The following DAO variants were observed in gnomAD, a reference collection of about 807,000 sequenced individuals.
The protein encoded by DAO is D-amino acid oxidase.
A neutral mutation model predicts 50.1 loss-of-function variants in DAO; 51 were observed. That is an observed-to-expected ratio of 1.02 (90% CI 0.81 to 1.29). The LOEUF (loss-of-function observed/expected upper bound fraction) is 1.29. Among genes scored for constraint, DAO ranks in the 50% most tolerant of loss-of-function variants. The pLI is 0.00. For synonymous variants in DAO, 160 were observed against 166.2 expected (o/e 0.96, Z 0.29); for missense variants, 436 against 439.4 (o/e 0.99, Z 0.07).
chr12:108,890,049 T>G (rs764828406), intron 4 of DAO, among the ~76,000 whole-genome samples, 159 bp from the exon 5 acceptor site: 6 of 152,196 alleles, frequency 3.9e-5, no homozygotes, highest in Non-Finnish European at 8.8e-5. Context: ...TTTCCTTGCA[T>G]TGAGCTCAAA....
chr12:108,897,732 G>A (rs551113307), intron 8 of DAO, among the ~76,000 whole-genome samples: 27 of 152,226 alleles, frequency 1.8e-4, no homozygotes, highest in Non-Finnish European at 1.5e-5. Flanking sequence ...AGGATTTCTT[G>A]AGCCCAGGAG....
At chr12:108,884,127 C>A (rs746162078) in intron 1 of DAO, among the ~76,000 whole-genome samples, 8 of 152,246 alleles carry the variant, frequency 5.3e-5, no homozygotes, top group Non-Finnish European at 8.8e-5. Context: ...AGCCCTGTGC[C>A]CCAAGGCAGG....
chr12:108,893,347 G>A (rs774150130), intron 6 of DAO, among the ~76,000 whole-genome samples: 9 of 152,116 alleles, frequency 5.9e-5, no homozygotes, highest in African/African-American at 2.2e-4. Context: ...GTCAGAACTT[G>A]GTTGCTTCCT....
At chr12:108,887,627 G>A in intron 3 of DAO, 63 bp downstream of exon 3, 1 of 1,193,398 alleles carries the variant, frequency 8.4e-7, no homozygotes, top group Non-Finnish European at 1.3e-6. Flanking sequence ...GAGGGTGGGT[G>A]CAGCAGAGCC....
rs759734482 is a variant in DAO at position 108,893,026 on chromosome 12, CTT to C, written c.500_501del (p.Phe167Ter). 1.2e-6 allele frequency: 2 copies of C among 1,613,878 alleles called. No individual in the cohort carries two copies. Among genetic ancestry groups the C allele is most frequent in the Non-Finnish European group, 1.7e-6 (2 of 1,179,926 alleles). On this transcript the variant is annotated frameshift_variant, in exon 6 of 11. Transcript: ENST00000228476. LOFTEE classifies it high-confidence loss of function. ...AAGTTCTTCCAGCGGAAAGTGGAGT[CTT>C]TTGAGGAGGTGAGTTGCAGGGCTGA...
intron 3 of DAO, among the ~76,000 whole-genome samples, chr12:108,888,192 C>T (rs1327112996): frequency 2.0e-5 from 3 of 152,198 alleles, no homozygotes; most frequent in African/African-American, 7.2e-5. Flanking sequence ...AACAGCACAG[C>T]CCTGGGACGG....
chr12:108,899,867 C>T (rs2039602681), intron 10 of DAO: 1 of 323,668 alleles, frequency 3.1e-6, no homozygotes, highest in African/African-American at 2.1e-5. Flanking sequence ...CAATATTAAT[C>T]GTGTGGCAGA....
chr12:108,881,210 C>A (rs2039374454), intron 1 of DAO, among the ~76,000 whole-genome samples: 1 of 127,656 alleles, frequency 7.8e-6, no homozygotes, highest in South Asian at 2.8e-4. Flanking sequence ...ATATAATAAT[C>A]CCAGCTGTTT....
chr12:108,889,610 C>T (rs1205233931), intron 4 of DAO, 65 bp downstream of exon 4: 7 of 1,294,410 alleles, frequency 5.4e-6, no homozygotes, highest in Non-Finnish European at 6.7e-6. Context: ...GTCCAGAAGG[C>T]AGCAGAGGGT....
intron 6 of DAO, 44 bp downstream of exon 6, chr12:108,893,080 G>A (rs1248305940): frequency 1.3e-6 from 2 of 1,582,122 alleles, no homozygotes; most frequent in East Asian, 2.2e-5. Context: ...GGGAGAAGAG[G>A]GGAGGCCTCT....
intron 7 of DAO, among the ~76,000 whole-genome samples, chr12:108,896,413 C>T (rs994877324): frequency 1.2e-5 from 1 of 85,668 alleles, no homozygotes; most frequent in Non-Finnish European, 2.0e-5. Flanking sequence ...CAGAGCGAGG[C>T]TGTCTCAAAA....
chr12:108,895,416 T>A (rs1213910878), intron 7 of DAO, among the ~76,000 whole-genome samples: 2 of 147,334 alleles, frequency 1.4e-5, no homozygotes, highest in African/African-American at 5.1e-5. Flanking sequence ...TGTGTGCATG[T>A]GTGTGAGGGT....
At chr12:108,896,868 T>C in intron 7 of DAO, 138 bp from the exon 8 acceptor site, 1 of 723,670 alleles carries the variant, frequency 1.4e-6, no homozygotes, top group Non-Finnish European at 2.5e-6. Context: ...AGGTGCAGAC[T>C]TGGGCCATAG....
intron 7 of DAO, among the ~76,000 whole-genome samples, chr12:108,895,584 G>A (rs1318729513): frequency 6.7e-6 from 1 of 149,720 alleles, no homozygotes; most frequent in African/African-American, 2.5e-5. Flanking sequence ...ATGTGAGAGT[G>A]TATGTACGTG....
chr12:108,897,025 A>T lies in DAO; in HGVS notation c.632A>T (p.Lys211Met), dbSNP rs1226208396. Residue 211 changes from lysine (K) to methionine (M), a missense_variant, in exon 8 of 11, where the codon AAG becomes ATG. By Grantham distance (95) the Lys-to-Met change is moderately conservative. Transcript: ENST00000228476. ...CAACAGGTGGACGCCCCTTGGATGA[A>T]GCACTTCATTCTCACCCATGACCCA... ...QIMKVDAPWM[K>M]HFILTHDPER... is the part of the protein sequence containing the mutation. 3.1e-6 allele frequency: 5 copies of T among 1,613,810 alleles called. No individual in the cohort carries two copies. The highest frequency in any genetic ancestry group is 4.2e-6 in the Non-Finnish European group (5 of 1,179,884).
At chr12:108,899,301 G>A (rs1355161402) in intron 9 of DAO, 76 bp from the exon 10 acceptor site, 4 of 1,011,008 alleles carry the variant, frequency 4.0e-6, no homozygotes, top group Non-Finnish European at 6.1e-6. Flanking sequence ...GATTCTAAAA[G>A]CTAACTCCCT....
At chr12:108,896,315 C>T (rs925593013) in intron 7 of DAO, among the ~76,000 whole-genome samples, 7 of 146,906 alleles carry the variant, frequency 4.8e-5, no homozygotes, top group East Asian at 2.1e-4. Flanking sequence ...CCCAGCTACT[C>T]GGGAGGCTGA....
At chr12:108,900,185 C>T (rs1026854132) in intron 10 of DAO, 2 of 536,516 alleles carry the variant, frequency 3.7e-6, no homozygotes, top group African/African-American at 1.9e-5. Flanking sequence ...GACTCCAAGG[C>T]TATTTCCAGA....
At chr12:108,887,823 C>G (rs912445961) in intron 3 of DAO, among the ~76,000 whole-genome samples, 2 of 152,128 alleles carry the variant, frequency 1.3e-5, no homozygotes, top group African/African-American at 4.8e-5. Context: ...ATTAGCATGG[C>G]TAAAATACAA....
Sources: allele counts gnomAD v4.1 joint callset (sites outside exome capture counted in the v4.1 genomes callset), GRCh38; gene constraint gnomAD v4.1.1; transcripts MANE v1.5; gene names NCBI Gene and HGNC (gene_info 2026-07-23, HGNC 2026-07-21).